Variants in CNTLN observed in about 807,000 individuals in gnomAD.
The protein encoded by CNTLN is centlein, also known as centlein, centrosomal protein.
Under a neutral mutation model 180.0 loss-of-function variants are expected in CNTLN, and 212 were observed. The observed-to-expected ratio is 1.18, with a 90% CI of 1.05 to 1.32. CNTLN has a LOEUF of 1.32. Ranked by LOEUF, CNTLN falls within the 40% of genes most tolerant of loss-of-function variation. CNTLN has a pLI of 0.00. For missense variants in CNTLN, 2,095 were observed against 1,610.9 expected (o/e 1.30, Z -5.14); for synonymous variants, 722 against 563.1 (o/e 1.28, Z -3.99).
intron 2 of CNTLN, among the ~76,000 whole-genome samples, chr9:17,193,830 A>AGC (rs1345760255): frequency 6.6e-6 from 1 of 152,146 alleles, no homozygotes; most frequent in Non-Finnish European, 1.5e-5. Flanking sequence ...GTTCTCCATG[A>AGC]GCGCCCGCCC....
chr9:17,434,806 A>G (rs1829663773), intron 18 of CNTLN, among the ~76,000 whole-genome samples: 1 of 152,026 alleles, frequency 6.6e-6, no homozygotes, highest in African/African-American at 2.4e-5. Context: ...CCTGAAGGAT[A>G]TAGAATTTGC....
chr9:17,334,274 G>T (rs1421150332), intron 10 of CNTLN, among the ~76,000 whole-genome samples: 1 of 151,976 alleles, frequency 6.6e-6, no homozygotes, highest in African/African-American at 2.4e-5. Context: ...TGGCCAGGCT[G>T]ATCTCAAACT....
chr9:17,502,204 G>A (rs573604524), intron 25 of CNTLN, among the ~76,000 whole-genome samples: 3 of 152,272 alleles, frequency 2.0e-5, no homozygotes, highest in East Asian at 1.9e-4. Flanking sequence ...CTGTGGGCCC[G>A]TGTGCCCTAG....
intron 23 of CNTLN, among the ~76,000 whole-genome samples, chr9:17,483,502 A>G (rs544436235): frequency 6.6e-6 from 1 of 152,304 alleles, no homozygotes; most frequent in African/African-American, 2.4e-5. Flanking sequence ...GAGCACCATT[A>G]TTTATTCTAA....
At chr9:17,451,508 T>C (rs569754412) in intron 18 of CNTLN, among the ~76,000 whole-genome samples, 7 of 152,348 alleles carry the variant, frequency 4.6e-5, no homozygotes, top group African/African-American at 1.7e-4. Context: ...TTTTCTCTAC[T>C]TGGATTGTCA....
chr9:17,310,109 C>T (rs1331164188), intron 8 of CNTLN, among the ~76,000 whole-genome samples: 1 of 152,036 alleles, frequency 6.6e-6, no homozygotes, highest in Non-Finnish European at 1.5e-5. Flanking sequence ...AATTTAATGG[C>T]TTTGTTTAGT....
chr9:17,188,747 A>G (rs1437684613), intron 2 of CNTLN, among the ~76,000 whole-genome samples: 1 of 152,086 alleles, frequency 6.6e-6, no homozygotes, highest in African/African-American at 2.4e-5. Flanking sequence ...AGGTTCCATT[A>G]AAAATATATA....
intron 18 of CNTLN, among the ~76,000 whole-genome samples, chr9:17,449,276 C>G (rs147523076): frequency 0.011 from 1,657 of 151,952 alleles, 28 homozygotes; most frequent in African/African-American, 0.038. Flanking sequence ...CTCCTCCCCC[C>G]ACCCCACAAC....
At chr9:17,237,985 A>G (rs1357419733) in intron 5 of CNTLN, among the ~76,000 whole-genome samples, 3 of 152,118 alleles carry the variant, frequency 2.0e-5, no homozygotes, top group Non-Finnish European at 4.4e-5. Flanking sequence ...TGATAAGGGT[A>G]AATCAGTACT....
chr9:17,395,021 T>G lies in CNTLN; in HGVS notation c.2567T>G (p.Val856Gly). 6.2e-7 allele frequency: 1 copy of G among 1,613,340 alleles called. No individual in the cohort carries two copies. Among genetic ancestry groups the G allele is most frequent in the Non-Finnish European group, 8.5e-7 (1 of 1,179,428 alleles). ...LNHSIKVMSNVFENLSKDGWE... is the reference protein window; with the variant it reads ...LNHSIKVMSNGFENLSKDGWE... ...CATTCCATCAAGGTTATGAGCAATG[T>G]GTTTGAGAACCTCAGCAAGGACGGC... Residue 856 changes from valine to glycine, a missense_variant, in exon 15 of 26, where the codon GTG (valine) becomes GGG (glycine). Physicochemically the swap from Val to Gly is moderately radical, Grantham distance 109. Transcript: ENST00000380647.
At chr9:17,197,480 T>C (rs1233920585) in intron 2 of CNTLN, among the ~76,000 whole-genome samples, 4 of 152,200 alleles carry the variant, frequency 2.6e-5, no homozygotes, top group Middle Eastern at 3.2e-3. Context: ...TATGTATACA[T>C]GTGCCATGTT....
At chr9:17,481,051 G>C (rs1489927426) in intron 23 of CNTLN, among the ~76,000 whole-genome samples, 7 of 152,078 alleles carry the variant, frequency 4.6e-5, no homozygotes, top group African/African-American at 1.4e-4. Flanking sequence ...CAGCAACCTT[G>C]CCAGCCCCAG....
At chr9:17,171,447 T>G (rs975046041) in intron 2 of CNTLN, among the ~76,000 whole-genome samples, 18 of 152,170 alleles carry the variant, frequency 1.2e-4, no homozygotes, top group Non-Finnish European at 2.2e-4. Flanking sequence ...CTGCTAAGAT[T>G]GTAGGAGTCC....
chr9:17,262,845 T>C (rs759856892), intron 5 of CNTLN, among the ~76,000 whole-genome samples: 3 of 151,312 alleles, frequency 2.0e-5, no homozygotes, highest in Non-Finnish European at 2.9e-5. Flanking sequence ...GGCTGTGGGT[T>C]TGTCGTAGAT....
chr9:17,150,747 G>A (rs1037734082), intron 2 of CNTLN, among the ~76,000 whole-genome samples: 4 of 152,136 alleles, frequency 2.6e-5, no homozygotes, highest in African/African-American at 9.7e-5. Flanking sequence ...GGGCAGTATG[G>A]CCATTTTCAC....
intron 8 of CNTLN, among the ~76,000 whole-genome samples, chr9:17,313,511 C>G (rs1178317381): frequency 6.6e-6 from 1 of 151,934 alleles, no homozygotes; most frequent in Non-Finnish European, 1.5e-5. Flanking sequence ...TTCACTTAAA[C>G]GTAATGTGTC....
At chr9:17,454,803 A>G (rs1400439045) in intron 18 of CNTLN, among the ~76,000 whole-genome samples, 1 of 152,182 alleles carries the variant, frequency 6.6e-6, no homozygotes, top group Non-Finnish European at 1.5e-5. Flanking sequence ...TAAGCAGTAG[A>G]CCCAGAGAAT....
intron 5 of CNTLN, among the ~76,000 whole-genome samples, chr9:17,241,473 T>C (rs986977290): frequency 1.3e-5 from 2 of 152,190 alleles, no homozygotes; most frequent in Non-Finnish European, 2.9e-5. Flanking sequence ...GTAATATGAT[T>C]TGAAGTCAGG....
intron 2 of CNTLN, among the ~76,000 whole-genome samples, chr9:17,196,454 A>C (rs1296531022): frequency 1.3e-5 from 2 of 152,160 alleles, no homozygotes; most frequent in African/African-American, 4.8e-5. Context: ...AATTTAGTTT[A>C]AAGCTTCTCT....
Sources: allele counts gnomAD v4.1 joint callset (sites outside exome capture counted in the v4.1 genomes callset), GRCh38; gene constraint gnomAD v4.1.1; transcripts MANE v1.5; gene names NCBI Gene and HGNC (gene_info 2026-07-23, HGNC 2026-07-21).